The following SMARCA1 variants were observed in gnomAD, a reference collection of about 807,000 sequenced individuals.
SMARCA1 encodes SWI/SNF-related matrix-associated actin-dependent regulator of chromatin subfamily A member 1.
A neutral mutation model predicts 93.6 loss-of-function variants in SMARCA1; 17 were observed. That is an observed-to-expected ratio of 0.18 (90% confidence interval 0.12 to 0.27). SMARCA1 has a LOEUF of 0.27. SMARCA1 is among the 10% of genes least tolerant of loss of function. The pLI is 1.00. For missense variants in SMARCA1, 630 were observed against 819.0 expected (o/e 0.77, Z 2.82); for synonymous variants, 271 against 271.4 (o/e 1.00, Z 0.01).
At chrX:129,453,066 G>C (rs961702955) in intron 23 of SMARCA1, among the ~76,000 whole-genome samples, 10 of 111,451 alleles carry the variant, frequency 9.0e-5, no homozygotes, top group African/African-American at 3.3e-4. Context: ...AATGTTGTGT[G>C]TATTCTGACC....
intron 19 of SMARCA1, among the ~76,000 whole-genome samples, chrX:129,476,541 A>G (rs748445218): frequency 8.9e-6 from 1 of 111,860 alleles, no homozygotes; most frequent in Non-Finnish European, 1.9e-5. Context: ...CAACATAGAT[A>G]AAACGTAACC....
chrX:129,509,950 G>T (rs967128097), intron 6 of SMARCA1, among the ~76,000 whole-genome samples: 1 of 111,919 alleles, frequency 8.9e-6, no homozygotes, highest in African/African-American at 3.2e-5. Context: ...TTCATAAAAT[G>T]TTTACAGAAG....
intron 19 of SMARCA1, among the ~76,000 whole-genome samples, chrX:129,477,454 G>A (rs1332541657): frequency 9.0e-6 from 1 of 110,800 alleles, no homozygotes; most frequent in African/African-American, 3.3e-5. Flanking sequence ...TTGGGAGGCT[G>A]AGGCAGGAGA....
intron 20 of SMARCA1, among the ~76,000 whole-genome samples, chrX:129,469,862 C>T (rs765109609): frequency 3.6e-5 from 4 of 112,035 alleles, no homozygotes; most frequent in Non-Finnish European, 7.5e-5. Flanking sequence ...AAAGCCATAA[C>T]TTTACTTTTA....
chrX:129,514,177 C>T (rs1354948342), intron 5 of SMARCA1, among the ~76,000 whole-genome samples: 7 of 111,807 alleles, frequency 6.3e-5, no homozygotes, highest in Non-Finnish European at 5.7e-5. Flanking sequence ...ATTAGCTGGG[C>T]GCGGTGGCGG....
intron 19 of SMARCA1, among the ~76,000 whole-genome samples, chrX:129,475,441 C>T (rs1933337281): frequency 9.0e-6 from 1 of 110,852 alleles, no homozygotes; most frequent in Non-Finnish European, 1.9e-5. Flanking sequence ...ATTGCTTGAA[C>T]CCAGGAGATG....
In SMARCA1 at chrX:129,490,086, C is replaced by G. The variant is rs1218695607; in HGVS notation, c.1922G>C (p.Arg641Thr). 1 of 1,190,022 alleles carries G rather than the reference C, an allele frequency of 8.4e-7. No individual in the cohort carries two copies. Among genetic ancestry groups the G allele is most frequent in the Admixed American group, 2.2e-5 (1 of 45,418 alleles). Residue 641 changes from arginine (R) to threonine (T), a missense_variant, in exon 15 of 25, where the codon AGA becomes ACA. Transcript: ENST00000371121. ...TTGTTGTATAACAATTGAATCGAGT[C>G]TCAGTTTTATCTCAGCTCTTTCTAC... is the stretch of plus-strand genomic sequence containing the variant. Reference protein sequence around the residue: ...RIVERAEIKLRLDSIVIQQGR... With the variant: ...RIVERAEIKLTLDSIVIQQGR...
At chrX:129,478,218 T>C (rs1305821628) in intron 19 of SMARCA1, among the ~76,000 whole-genome samples, 1 of 112,161 alleles carries the variant, frequency 8.9e-6, no homozygotes. Context: ...CATTGTAGTA[T>C]CTAATGCCTA....
In SMARCA1 at chrX:129,446,959, G is replaced by T; in HGVS notation, c.*203C>A. 1 of 379,965 alleles carries T rather than the reference G, an allele frequency of 2.6e-6. No homozygotes were observed. Among genetic ancestry groups the T allele is most frequent in the Non-Finnish European group, 4.5e-6 (1 of 222,649 alleles). 31.3% of individuals were successfully genotyped at this position (379,965 alleles called of 1,213,427 possible). A position where few individuals can be genotyped will look rare whatever the true frequency, so the allele number is the denominator to read the frequency against. ...GAAGACATGAAATGCACAAAATACA[G>T]TACACAAAAATACTAGAATGCCATA... On this transcript the variant is annotated 3_prime_UTR_variant, in exon 25 of 25. Coordinates refer to ENST00000371121, the MANE Select transcript of SMARCA1 (RefSeq NM_001282874.2).
chrX:129,472,590 C>T lies in SMARCA1; in HGVS notation c.2443-1264G>A, dbSNP rs566271343. On this transcript the variant is annotated intron_variant, in intron 19 of 24. Transcript: ENST00000371121. ...AGAAATTAGATTCACTTGTAATCAT[C>T]AGTATCAGGCAATCAAATTAGCAGG... is the stretch of plus-strand genomic sequence containing the variant. Among the ~76,000 whole-genome samples, 5 of 111,607 alleles carry T rather than the reference C, an allele frequency of 4.5e-5. 1 individual carries two copies. Among genetic ancestry groups the T allele is most frequent in the African/African-American group, 1.6e-4 (5 of 30,773 alleles).
chrX:129,507,377 G>A (rs927159539), intron 7 of SMARCA1, among the ~76,000 whole-genome samples: 2 of 111,817 alleles, frequency 1.8e-5, no homozygotes, highest in Non-Finnish European at 3.8e-5. Context: ...CAATACAAAC[G>A]ATATTTGCAC....
intron 6 of SMARCA1, among the ~76,000 whole-genome samples, chrX:129,509,130 A>G (rs1024063211): frequency 7.4e-5 from 8 of 108,733 alleles, no homozygotes; most frequent in Non-Finnish European, 1.5e-4. Flanking sequence ...GGGAGGCTGC[A>G]GTGAGCTAAG....
At chrX:129,509,858 T>C (rs1222654169) in intron 6 of SMARCA1, among the ~76,000 whole-genome samples, 3 of 112,020 alleles carry the variant, frequency 2.7e-5, no homozygotes, top group Non-Finnish European at 3.8e-5. Context: ...TCAGACAGGA[T>C]CAAGAGTATC....
chrX:129,516,634 T>G, intron 2 of SMARCA1, 137 bp from the exon 3 acceptor site: 2 of 500,981 alleles, frequency 4.0e-6, no homozygotes, highest in Non-Finnish European at 6.4e-6. Flanking sequence ...ACCTATGACG[T>G]AATTACAAGT....
At chrX:129,467,225 G>A (rs1932936985) in intron 21 of SMARCA1, among the ~76,000 whole-genome samples, 1 of 111,784 alleles carries the variant, frequency 8.9e-6, no homozygotes, top group Non-Finnish European at 1.9e-5. Context: ...CTGTGACATG[G>A]CCCCCAACCT....
intron 21 of SMARCA1, among the ~76,000 whole-genome samples, chrX:129,466,474 G>A (rs993166685): frequency 9.9e-5 from 11 of 111,212 alleles, no homozygotes; most frequent in Admixed American, 5.7e-4. Context: ...GGCCAACATG[G>A]TGAAACCTCA....
chrX:129,515,853 C>G, intron 4 of SMARCA1, 41 bp downstream of exon 4: 1 of 1,162,126 alleles, frequency 8.6e-7, no homozygotes, highest in Non-Finnish European at 1.2e-6. Context: ...TTTTCTAAAA[C>G]TAAATTGAAA....
intron 12 of SMARCA1, among the ~76,000 whole-genome samples, chrX:129,495,855 C>T (rs1376750296): frequency 9.5e-6 from 1 of 105,195 alleles, no homozygotes; most frequent in Non-Finnish European, 1.9e-5. Context: ...TCAATGCAAC[C>T]TCCGCCTCCC....
Position 129,487,153 on chromosome X carries a change from T to C in SMARCA1, c.2098-16A>G. On this transcript the variant is annotated splice_polypyrimidine_tract_variant and intron_variant, in intron 16 of 24. Coordinates refer to ENST00000371121, the MANE Select transcript of SMARCA1 (RefSeq NM_001282874.2). The stretch of plus-strand genomic sequence containing the variant: ...TCTCTGCAGTCTAAAGGTGAAAACA[T>C]TGAAATGAGAAAATTATCACTGAAT... 1 of 1,113,915 alleles carries C rather than the reference T, an allele frequency of 9.0e-7. No individual in the cohort carries two copies. The allele number at this position is 1,113,915 out of a possible 1,213,427, so 91.8% of individuals were successfully genotyped here.
Sources: allele counts gnomAD v4.1 joint callset (sites outside exome capture counted in the v4.1 genomes callset), GRCh38; gene constraint gnomAD v4.1.1; transcripts MANE v1.5; gene names NCBI Gene and HGNC (gene_info 2026-07-23, HGNC 2026-07-21).